The following ARHGAP15 variants were observed in gnomAD, a reference collection of about 807,000 sequenced individuals.
ARHGAP15 encodes rho GTPase-activating protein 15.
ARHGAP15 carries 51 observed loss-of-function variants against 63.7 expected under a neutral mutation model. That is an observed-to-expected ratio of 0.80 (90% CI 0.64 to 1.01). ARHGAP15 has a LOEUF of 1.01. ARHGAP15 is among the 50% of genes least tolerant of loss of function. ARHGAP15 has a pLI of 0.00. For missense variants in ARHGAP15, 560 were observed against 564.6 expected (o/e 0.99, Z 0.08); for synonymous variants, 191 against 193.8 (o/e 0.99, Z 0.12).
intron 13 of ARHGAP15, among the ~76,000 whole-genome samples, chr2:143,734,153 G>A (rs545019879): frequency 6.6e-6 from 1 of 152,256 alleles, no homozygotes; most frequent in South Asian, 2.1e-4. Context: ...AACAGTCACG[G>A]TCCTTTTCTC....
At chr2:143,451,132 G>A (rs1558980535) in intron 8 of ARHGAP15, among the ~76,000 whole-genome samples, 1 of 151,766 alleles carries the variant, frequency 6.6e-6, no homozygotes, top group Non-Finnish European at 1.5e-5. Flanking sequence ...TAACGAAAAT[G>A]CATATTAATT....
intron 12 of ARHGAP15, among the ~76,000 whole-genome samples, chr2:143,647,430 A>G (rs1036909637): frequency 1.3e-5 from 2 of 151,934 alleles, no homozygotes; most frequent in Non-Finnish European, 2.9e-5. Flanking sequence ...ATCTGCTCAC[A>G]TTACAGTGCT....
At chr2:143,726,424 CAAAA>C (rs112621967) in intron 13 of ARHGAP15, among the ~76,000 whole-genome samples, 2 of 143,278 alleles carry the variant, frequency 1.4e-5, no homozygotes, top group Non-Finnish European at 3.0e-5. Flanking sequence ...AAAAAACAAC[CAAAA>C]AAAAAAGAAA....
chr2:143,211,841 G>T (rs1484082185), intron 3 of ARHGAP15, among the ~76,000 whole-genome samples: 1 of 152,108 alleles, frequency 6.6e-6, no homozygotes, highest in East Asian at 1.9e-4. Context: ...CTACATCAAA[G>T]AACCTAGGAA....
At chr2:143,360,552 G>A (rs1686004390) in intron 6 of ARHGAP15, among the ~76,000 whole-genome samples, 1 of 151,982 alleles carries the variant, frequency 6.6e-6, no homozygotes, top group Admixed American at 6.6e-5. Context: ...CTGTCCAAGA[G>A]TTTTAAGCAA....
intron 13 of ARHGAP15, among the ~76,000 whole-genome samples, chr2:143,718,186 A>T (rs917879629): frequency 1.3e-5 from 2 of 152,170 alleles, no homozygotes; most frequent in African/African-American, 4.8e-5. Flanking sequence ...AAAAGGCTGA[A>T]GTTGAGCAAT....
At chr2:143,427,677 T>C (rs1048176801) in intron 6 of ARHGAP15, among the ~76,000 whole-genome samples, 30 of 152,092 alleles carry the variant, frequency 2.0e-4, no homozygotes, top group African/African-American at 7.2e-4. Flanking sequence ...CTTCCAAGTT[T>C]AATCCTATTG....
intron 1 of ARHGAP15, among the ~76,000 whole-genome samples, chr2:143,138,329 G>A (rs1689227588): frequency 1.3e-5 from 2 of 152,048 alleles, no homozygotes; most frequent in South Asian, 4.1e-4. Context: ...TGGGTCATGA[G>A]TTGTACATAG....
chr2:143,517,655 C>T (rs1406954490), intron 9 of ARHGAP15, among the ~76,000 whole-genome samples: 1 of 152,142 alleles, frequency 6.6e-6, no homozygotes, highest in Non-Finnish European at 1.5e-5. Flanking sequence ...AAGCAGAAAA[C>T]ATTTCAGTCT....
intron 6 of ARHGAP15, among the ~76,000 whole-genome samples, chr2:143,267,126 C>T (rs1390569619): frequency 6.6e-6 from 1 of 152,102 alleles, no homozygotes; most frequent in Non-Finnish European, 1.5e-5. Context: ...ACAGTGACGA[C>T]AGGAAGAAAC....
At chr2:143,441,080 A>T (rs189680361) in intron 8 of ARHGAP15, among the ~76,000 whole-genome samples, 130 of 152,210 alleles carry the variant, frequency 8.5e-4, no homozygotes, top group African/African-American at 3.0e-3. Flanking sequence ...AGCTCATAGC[A>T]GGCACTCAGT....
At chr2:143,461,109 G>A (rs1016286235) in intron 8 of ARHGAP15, among the ~76,000 whole-genome samples, 1 of 151,538 alleles carries the variant, frequency 6.6e-6, no homozygotes, top group Non-Finnish European at 1.5e-5. Context: ...GGCCAACATG[G>A]TGAAACCCTG....
chr2:143,509,968 C>T (rs918789625), intron 9 of ARHGAP15, among the ~76,000 whole-genome samples: 2 of 135,260 alleles, frequency 1.5e-5, no homozygotes, highest in East Asian at 2.2e-4. Context: ...TGTAGTGAGC[C>T]GAGATTGTAC....
At chr2:143,594,300 C>T (rs137999929) in intron 11 of ARHGAP15, among the ~76,000 whole-genome samples, 18 of 152,244 alleles carry the variant, frequency 1.2e-4, no homozygotes, top group African/African-American at 4.3e-4. Flanking sequence ...TTTATTGGCA[C>T]GTCAGGTGCA....
intron 12 of ARHGAP15, among the ~76,000 whole-genome samples, chr2:143,682,427 C>G (rs1053783103): frequency 6.6e-6 from 1 of 151,924 alleles, no homozygotes; most frequent in Non-Finnish European, 1.5e-5. Context: ...ATGAATGTGA[C>G]TTTAAGAAAT....
At chr2:143,288,186 T>A (rs1202722777) in intron 6 of ARHGAP15, among the ~76,000 whole-genome samples, 1 of 152,158 alleles carries the variant, frequency 6.6e-6, no homozygotes, top group African/African-American at 2.4e-5. Context: ...GAAGGTGTCA[T>A]TCAAGGCCAT....
intron 2 of ARHGAP15, among the ~76,000 whole-genome samples, chr2:143,175,080 T>G (rs1282588835): frequency 1.3e-5 from 2 of 152,158 alleles, no homozygotes; most frequent in African/African-American, 4.8e-5. Flanking sequence ...GTGGACACTC[T>G]GTAGTGGTGG....
intron 6 of ARHGAP15, among the ~76,000 whole-genome samples, chr2:143,352,801 A>G (rs758105008): frequency 2.6e-5 from 4 of 152,210 alleles, no homozygotes; most frequent in Non-Finnish European, 5.9e-5. Flanking sequence ...TTATTTCCAC[A>G]TAAATAAACT....
In ARHGAP15 at chr2:143,156,483, A is replaced by G. The variant is rs866863784; in HGVS notation, c.165+828A>G. 3.3e-5 allele frequency among the ~76,000 whole-genome samples: 5 copies of G among 152,002 alleles called. No homozygotes were observed. The South Asian group carries it at 1.0e-3, about 31-fold the overall frequency. ...GCTGGGGACAGGCTGAGTTCCAGTC[A>G]CCCTGCAGAAACATGTGAGCTATTA... On this transcript the variant is annotated intron_variant, in intron 2 of 13. Coordinates refer to ENST00000295095, the MANE Select transcript of ARHGAP15 (RefSeq NM_018460.4).
Sources: allele counts gnomAD v4.1 joint callset (sites outside exome capture counted in the v4.1 genomes callset), GRCh38; gene constraint gnomAD v4.1.1; transcripts MANE v1.5; gene names NCBI Gene and HGNC (gene_info 2026-07-23, HGNC 2026-07-21).